The following TOP1 variants were observed in gnomAD, a reference collection of about 807,000 sequenced individuals.
TOP1 encodes the protein DNA topoisomerase I.
TOP1 carries 10 observed loss-of-function variants against 111.1 expected under a neutral mutation model. The ratio of observed to expected loss-of-function variants is 0.09; its 90% CI spans 0.06 to 0.15. TOP1 has a LOEUF of 0.15. Among genes scored for constraint, TOP1 ranks in the 10% least tolerant of loss-of-function variants. The pLI is 1.00. For synonymous variants in TOP1, 271 were observed against 302.9 expected (o/e 0.89, Z 1.10); for missense variants, 474 against 926.7 (o/e 0.51, Z 6.34).
intron 13 of TOP1, among the ~76,000 whole-genome samples, chr20:41,104,577 A>G (rs1010117803): frequency 2.6e-5 from 4 of 152,236 alleles, no homozygotes; most frequent in Non-Finnish European, 5.9e-5. Context: ...ATATCCAGCT[A>G]ACTGCTATAC....
rs976449251 is a variant in TOP1, at chr20:41,028,868, C to T, written c.-200C>T. 7 of 560,246 alleles carry T rather than the reference C, an allele frequency of 1.2e-5. No homozygotes were observed. The highest frequency in any genetic ancestry group is 1.9e-5 in the Non-Finnish European group (6 of 318,440). 34.7% of individuals were successfully genotyped at this position (560,246 alleles called of 1,614,324 possible). On this transcript the variant is annotated 5_prime_UTR_variant, in exon 1 of 21. Coordinates refer to ENST00000361337, the MANE Select transcript of TOP1 (RefSeq NM_003286.4). The stretch of plus-strand genomic sequence containing the variant: ...ACACAACTGCTGGGGTCTGTTCTCG[C>T]CGCCCGCCCGGCAGTCAGGCAGCGT...
chr20:41,115,960 C>G lies in TOP1; in HGVS notation c.1708-318C>G, dbSNP rs2034322583. ...GTGTGGTAGTCCACACCTGTAGTCCCAGCTGCTTAGGAGCCTCAGAAGGAT... is the reference window on the plus strand; with the variant it reads ...GTGTGGTAGTCCACACCTGTAGTCCGAGCTGCTTAGGAGCCTCAGAAGGAT... On this transcript the variant is annotated intron_variant, in intron 16 of 20. Coordinates refer to ENST00000361337, the MANE Select transcript of TOP1 (RefSeq NM_003286.4). This position sits in a 1 kb window ranked among gnomAD's most constrained non-coding sequence, Gnocchi z 6.3. Among the ~76,000 whole-genome samples, 1 of 152,120 alleles carries G rather than the reference C, an allele frequency of 6.6e-6. No homozygotes were observed. The highest frequency in any genetic ancestry group is 2.4e-5 in the African/African-American group (1 of 41,416).
Position 41,122,801 on chromosome 20 carries a change from C to T in TOP1, c.2196-394C>T, listed in dbSNP as rs929281347. Among the ~76,000 whole-genome samples the T allele has an allele frequency of 1.3e-5, 2 of 152,148 alleles. No homozygotes were observed. Among genetic ancestry groups the T allele is most frequent in the Non-Finnish European group, 2.9e-5 (2 of 68,016 alleles). On this transcript the variant is annotated intron_variant, in intron 20 of 20. Transcript: ENST00000361337. The surrounding 1 kb of genome is among the most constrained non-coding windows in gnomAD (Gnocchi z 5.4). Reference sequence around the variant, plus strand: ...TAGGTCTTTTGTACCTCTTTCTGCTCGTTTTGCCTTGTTTGGTGCTAGAGA... The same window carrying T: ...TAGGTCTTTTGTACCTCTTTCTGCTTGTTTTGCCTTGTTTGGTGCTAGAGA...
intron 2 of TOP1, among the ~76,000 whole-genome samples, chr20:41,057,391 T>TAA (rs533526984): frequency 7.0e-6 from 1 of 143,356 alleles, no homozygotes; most frequent in Non-Finnish European, 1.5e-5. Flanking sequence ...CCAAAAAAAA[T>TAA]AAAAAAAAAA....
chr20:41,072,137 T>A, intron 3 of TOP1: 1 of 690,618 alleles, frequency 1.4e-6, no homozygotes, highest in Non-Finnish European at 1.8e-6. Context: ...AATTTAGCCC[T>A]ACTGAAGTTT....
chr20:41,035,356 A>G (rs778834299), intron 2 of TOP1, among the ~76,000 whole-genome samples: 3 of 152,182 alleles, frequency 2.0e-5, no homozygotes, highest in Non-Finnish European at 2.9e-5. Context: ...CTACCAGGCA[A>G]TTAATTCCCC....
intron 8 of TOP1, among the ~76,000 whole-genome samples, chr20:41,090,690 A>ATG (rs199648532): frequency 8.0e-4 from 121 of 150,330 alleles, no homozygotes; most frequent in East Asian, 4.1e-3. Flanking sequence ...TTTAGTAGAG[A>ATG]CGGGGGGGTC....
chr20:41,043,373 G>A (rs1029872065), intron 2 of TOP1, among the ~76,000 whole-genome samples: 3 of 152,226 alleles, frequency 2.0e-5, no homozygotes, highest in Non-Finnish European at 4.4e-5. Context: ...CAGTTGTGAA[G>A]TTGGAGTAAT....
At position 41,106,129 on chromosome 20, in the gene TOP1, G is replaced by T. The variant is rs2034141813; in HGVS notation, c.1308+4776G>T. 1.3e-5 allele frequency among the ~76,000 whole-genome samples: 2 copies of T among 152,158 alleles called. No homozygotes were observed. ...AATATATTTTCCAAATGAGTAAACT[G>T]TTGTCACAGAACTATTTAGTTGTAT... On this transcript the variant is annotated intron_variant, in intron 13 of 20. Transcript: ENST00000361337. The surrounding 1 kb of genome is among the most constrained non-coding windows in gnomAD (Gnocchi z 4.3).
In TOP1 at chr20:41,076,314, G is replaced by A; in HGVS notation, c.279+20G>A. ...GAAAAGGTACAGAGTTTTCTAGTAGGGGAGGAAGGAACGTGGATGCACTTT... is the reference window on the plus strand; with the variant it reads ...GAAAAGGTACAGAGTTTTCTAGTAGAGGAGGAAGGAACGTGGATGCACTTT... On this transcript the variant is annotated intron_variant, in intron 4 of 20. Coordinates refer to ENST00000361337, the MANE Select transcript of TOP1 (RefSeq NM_003286.4). The A allele has an allele frequency of 1.3e-6, 2 of 1,591,356 alleles. No individual in the cohort carries two copies. The highest frequency in any genetic ancestry group is 1.7e-6 in the Non-Finnish European group (2 of 1,171,532).
In TOP1 at chr20:41,101,407, G is replaced by T; in HGVS notation, c.1308+54G>T. The T allele has an allele frequency of 1.9e-6, 3 of 1,560,290 alleles. No homozygotes were observed. Among genetic ancestry groups the T allele is most frequent in the Non-Finnish European group, 2.6e-6 (3 of 1,143,832 alleles). On this transcript the variant is annotated intron_variant, in intron 13 of 20. Coordinates refer to ENST00000361337, the MANE Select transcript of TOP1 (RefSeq NM_003286.4). The surrounding 1 kb of genome is among the most constrained non-coding windows in gnomAD (Gnocchi z 4.1). ...TTCATGGTGCTGATAACCTTTTTTTGTTGAAATGTAACGTTCTCGTCCTCT... is the reference window on the plus strand; with the variant it reads ...TTCATGGTGCTGATAACCTTTTTTTTTTGAAATGTAACGTTCTCGTCCTCT...
chr20:41,097,775 A>T lies in TOP1; in HGVS notation c.852+434A>T, dbSNP rs1392066292. On this transcript the variant is annotated intron_variant, in intron 10 of 20. Transcript: ENST00000361337. The surrounding 1 kb of genome is among the most constrained non-coding windows in gnomAD (Gnocchi z 4.2). ...ACTATATTTGCCTAGGTGATTTTTT[A>T]AAATCTCATTATTCTCAATTTGGAT... is the stretch of plus-strand genomic sequence containing the variant. Among the ~76,000 whole-genome samples the T allele has an allele frequency of 6.6e-6, 1 of 152,202 alleles. No homozygotes were observed. The highest frequency in any genetic ancestry group is 2.4e-5 in the African/African-American group (1 of 41,454).
intron 8 of TOP1, among the ~76,000 whole-genome samples, chr20:41,089,350 C>T (rs577283313): frequency 2.6e-5 from 4 of 152,224 alleles, no homozygotes; most frequent in Admixed American, 6.5e-5. Context: ...TTGGTAAGCA[C>T]CATTCTACTT....
intron 2 of TOP1, among the ~76,000 whole-genome samples, chr20:41,039,768 C>T (rs746431705): frequency 6.6e-6 from 1 of 152,044 alleles, no homozygotes; most frequent in African/African-American, 2.4e-5. Context: ...ACTAGCCGGG[C>T]GTGGTGGCGG....
Position 41,061,366 on chromosome 20 carries a change from T to G in TOP1, c.59-28T>G, listed in dbSNP as rs180930733. ...TACAGAAGATAGCTCATGACTCCTG[T>G]TAACTGACTCATCTCTTATGGTTGC... On this transcript the variant is annotated intron_variant, in intron 2 of 20. Transcript: ENST00000361337. The surrounding 1 kb of genome is among the most constrained non-coding windows in gnomAD (Gnocchi z 4.6). The G allele has an allele frequency of 1.1e-4, 173 of 1,610,916 alleles. No homozygotes were observed. Among genetic ancestry groups the G allele is most frequent in the Non-Finnish European group, 1.4e-4 (166 of 1,177,704 alleles).
rs563870528 is a variant in TOP1, at chr20:41,118,915, G to C, written c.1950+619G>C. On this transcript the variant is annotated intron_variant, in intron 18 of 20. Transcript: ENST00000361337. This position sits in a 1 kb window ranked among gnomAD's most constrained non-coding sequence, Gnocchi z 4.6. ...CCTCCTCCTAACTCCGCCTGGTACT[G>C]AGCTTTTAAACCATAAGGCACTTAA... 6.6e-6 allele frequency among the ~76,000 whole-genome samples: 1 copy of C among 152,140 alleles called. No individual in the cohort carries two copies. Among genetic ancestry groups the C allele is most frequent in the East Asian group, 1.9e-4 (1 of 5,192 alleles).
intron 2 of TOP1, among the ~76,000 whole-genome samples, chr20:41,041,322 C>T (rs147940865): frequency 1.8e-4 from 28 of 151,612 alleles, no homozygotes; most frequent in African/African-American, 6.1e-4. Context: ...TGGTGGTGTG[C>T]ACCTACAGTC....
chr20:41,035,380 A>C (rs1352445643), intron 2 of TOP1, among the ~76,000 whole-genome samples: 1 of 152,178 alleles, frequency 6.6e-6, no homozygotes, highest in East Asian at 1.9e-4. Context: ...GAGCCTTTGA[A>C]ATTAACATTT....
chr20:41,107,949 C>T (rs979208137), intron 13 of TOP1, among the ~76,000 whole-genome samples: 19 of 152,244 alleles, frequency 1.2e-4, no homozygotes, highest in African/African-American at 4.3e-4. Context: ...CTGTCTCAGC[C>T]TCCCAAAGTG....
Sources: allele counts gnomAD v4.1 joint callset (sites outside exome capture counted in the v4.1 genomes callset), GRCh38; gene constraint gnomAD v4.1.1; non-coding constraint Gnocchi (gnomAD v3.1); transcripts MANE v1.5; gene names NCBI Gene and HGNC (gene_info 2026-07-23, HGNC 2026-07-21).